Variants in KCNIP1 observed in about 807,000 individuals in gnomAD.
KCNIP1 encodes the protein A-type potassium channel modulatory protein KCNIP1.
A neutral mutation model predicts 33.0 loss-of-function variants in KCNIP1; 18 were observed. The observed-to-expected ratio is 0.55, with a 90% confidence interval of 0.38 to 0.81. The LOEUF is 0.81. Ranked by LOEUF, KCNIP1 falls within the 30% of genes least tolerant of loss-of-function variation. The pLI is 0.00. For missense variants in KCNIP1, 238 were observed against 271.6 expected, an observed-to-expected ratio of 0.88 and a Z score of 0.87; for synonymous variants, 93 against 98.3, an observed-to-expected ratio of 0.95 and a Z score of 0.32.
chr5:170,502,673 A>G (rs1258773226), upstream of KCNIP1, among the ~76,000 whole-genome samples: 1 of 152,176 alleles, frequency 6.6e-6, no homozygotes, highest in Non-Finnish European at 1.5e-5. Flanking sequence ...CTGGGCATGC[A>G]TGCTTGTTTA....
At chr5:170,718,390 C>T (rs961341813) in intron 1 of KCNIP1, among the ~76,000 whole-genome samples, 1 of 152,162 alleles carries the variant, frequency 6.6e-6, no homozygotes, top group African/African-American at 2.4e-5. Flanking sequence ...GTTTATCATT[C>T]TGCTTACTTG....
At chr5:170,673,484 T>C (rs923077239) in intron 1 of KCNIP1, among the ~76,000 whole-genome samples, 1 of 152,222 alleles carries the variant, frequency 6.6e-6, no homozygotes, top group Non-Finnish European at 1.5e-5. Flanking sequence ...ATGAGGAAAC[T>C]TGAAGCTTAG....
intron 1 of KCNIP1, among the ~76,000 whole-genome samples, chr5:170,577,278 A>G (rs764938656): frequency 3.9e-5 from 6 of 152,230 alleles, no homozygotes; most frequent in Non-Finnish European, 7.3e-5. Flanking sequence ...CTCGGTTCTG[A>G]AGGGAACTGA....
intron 1 of KCNIP1, among the ~76,000 whole-genome samples, chr5:170,615,287 C>T (rs1013369599): frequency 2.6e-5 from 4 of 152,150 alleles, no homozygotes; most frequent in African/African-American, 9.7e-5. Flanking sequence ...CACGTAGCTA[C>T]TGTGGTGAAT....
Position 170,378,503 on chromosome 5 carries a change from A to G in KCNIP1, c.88+24539A>G, listed in dbSNP as rs574045345. ...CCTTATGGCCTCCAAGGCATTGGGG[A>G]GCCACTGTACATTCTTGAGCAGGCA... is the stretch of plus-strand genomic sequence containing the variant. On this transcript the variant is annotated intron_variant, in intron 1 of 7. Coordinates refer to the KCNIP1 transcript ENST00000377360. The G allele has an allele frequency of 4.8e-6, 3 of 625,664 alleles. No individual in the cohort carries two copies. The Admixed American group carries it at 9.2e-5, about 19-fold the overall frequency. The allele number at this position is 625,664 out of a possible 1,614,324, so 38.8% of individuals were successfully genotyped here.
intron 1 of KCNIP1, among the ~76,000 whole-genome samples, chr5:170,553,679 C>G (rs1028552089): frequency 2.0e-5 from 3 of 152,190 alleles, no homozygotes; most frequent in Admixed American, 1.3e-4. Flanking sequence ...GAAGGGCTGG[C>G]CTTTCATTCC....
chr5:170,684,004 G>A (rs944650653), intron 1 of KCNIP1, among the ~76,000 whole-genome samples: 1 of 151,686 alleles, frequency 6.6e-6, no homozygotes, highest in Non-Finnish European at 1.5e-5. Flanking sequence ...CGATCCACCT[G>A]CCGAGGCCTC....
intron 1 of KCNIP1, chr5:170,669,632 A>G (rs2113766735): frequency 1.0e-6 from 1 of 985,448 alleles, no homozygotes; most frequent in Non-Finnish European, 1.2e-6. Flanking sequence ...ATTTTAGAGT[A>G]ACTATCTCGG....
At chr5:170,564,502 G>A (rs974049051) in intron 1 of KCNIP1, among the ~76,000 whole-genome samples, 26 of 152,264 alleles carry the variant, frequency 1.7e-4, no homozygotes, top group Middle Eastern at 3.4e-3. Flanking sequence ...GGTGAATTGC[G>A]GGGGCACAGG....
chr5:170,581,271 G>A (rs1443182254), intron 1 of KCNIP1, among the ~76,000 whole-genome samples: 4 of 152,120 alleles, frequency 2.6e-5, no homozygotes, highest in Non-Finnish European at 5.9e-5. Context: ...AACTTTCCAA[G>A]GTCACAGAGC....
At chr5:170,393,405 G>A (rs1462855418) in intron 1 of KCNIP1, among the ~76,000 whole-genome samples, 2 of 152,146 alleles carry the variant, frequency 1.3e-5, no homozygotes, top group Non-Finnish European at 2.9e-5. Flanking sequence ...TGCAGGGATG[G>A]GTGTTAGTCA....
At chr5:170,572,266 A>G (rs1393340276) in intron 1 of KCNIP1, among the ~76,000 whole-genome samples, 1 of 152,224 alleles carries the variant, frequency 6.6e-6, no homozygotes, top group Non-Finnish European at 1.5e-5. Flanking sequence ...CAAAAACAAA[A>G]TAAACAAGCC....
At chr5:170,609,002 T>C (rs1759041441) in intron 1 of KCNIP1, among the ~76,000 whole-genome samples, 2 of 152,146 alleles carry the variant, frequency 1.3e-5, no homozygotes, top group Non-Finnish European at 2.9e-5. Flanking sequence ...TTCATCACTC[T>C]CCAACAGGGA....
At chr5:170,403,855 A>G (rs996256355) in intron 1 of KCNIP1, among the ~76,000 whole-genome samples, 3 of 152,204 alleles carry the variant, frequency 2.0e-5, no homozygotes, top group African/African-American at 7.2e-5. Context: ...ACAGTGAAGC[A>G]ATTAAAGAGT....
intron 1 of KCNIP1, among the ~76,000 whole-genome samples, chr5:170,391,125 T>A (rs1398479075): frequency 6.6e-6 from 1 of 152,108 alleles, no homozygotes; most frequent in Non-Finnish European, 1.5e-5. Flanking sequence ...TGGAATTCAA[T>A]CTCAGAAGAG....
At chr5:170,446,268 A>G (rs972740954) in intron 1 of KCNIP1, among the ~76,000 whole-genome samples, 5 of 152,172 alleles carry the variant, frequency 3.3e-5, no homozygotes, top group African/African-American at 9.7e-5. Context: ...GGTTGCTGCT[A>G]TTGAGTAGTG....
chr5:170,641,054 T>C (rs970915591), intron 1 of KCNIP1, among the ~76,000 whole-genome samples: 1 of 152,116 alleles, frequency 6.6e-6, no homozygotes, highest in African/African-American at 2.4e-5. Flanking sequence ...GCTGCTGCTG[T>C]TCCCTTCCCC....
intron 1 of KCNIP1, among the ~76,000 whole-genome samples, chr5:170,672,803 G>A (rs1028646060): frequency 6.6e-6 from 1 of 152,234 alleles, no homozygotes; most frequent in Admixed American, 6.5e-5. Flanking sequence ...GGTGTAGGAA[G>A]GCAAGCATTG....
At chr5:170,538,289 G>A (rs1470647501) in intron 1 of KCNIP1, among the ~76,000 whole-genome samples, 1 of 152,180 alleles carries the variant, frequency 6.6e-6, no homozygotes, top group Non-Finnish European at 1.5e-5. Context: ...GGAAAGCTGG[G>A]CTAATAATTA....
Sources: allele counts gnomAD v4.1 joint callset (sites outside exome capture counted in the v4.1 genomes callset), GRCh38; gene constraint gnomAD v4.1.1; transcripts MANE v1.5; gene names NCBI Gene and HGNC (gene_info 2026-07-23, HGNC 2026-07-21).